The following C4BPA variants were observed in gnomAD, a reference collection of about 807,000 sequenced individuals.
C4BPA encodes complement component 4 binding protein alpha.
C4BPA carries 31 observed loss-of-function variants against 63.7 expected under a neutral mutation model. The ratio of observed to expected loss-of-function variants is 0.49; its 90% CI spans 0.37 to 0.66. C4BPA has a LOEUF of 0.66. Ranked by LOEUF, C4BPA falls within the 30% of genes least tolerant of loss-of-function variation. C4BPA has a pLI of 0.00. For synonymous variants in C4BPA, 259 were observed against 254.7 expected (o/e 1.02, Z -0.16); for missense variants, 572 against 723.3 (o/e 0.79, Z 2.40).
chr1:207,108,565 C>G (rs569101868), intron 1 of C4BPA, among the ~76,000 whole-genome samples: 93 of 152,246 alleles, frequency 6.1e-4, no homozygotes, highest in Non-Finnish European at 8.8e-4. Flanking sequence ...AACTAGTTAG[C>G]AACCAGAGTA....
chr1:207,142,211 T>C (rs1451016823), intron 10 of C4BPA, among the ~76,000 whole-genome samples: 2 of 152,132 alleles, frequency 1.3e-5, no homozygotes, highest in Non-Finnish European at 2.9e-5. Flanking sequence ...AGAATGATGG[T>C]TTCCAGCTTC....
At chr1:207,110,648 G>A (rs768375020) in intron 1 of C4BPA, among the ~76,000 whole-genome samples, 6 of 152,098 alleles carry the variant, frequency 3.9e-5, no homozygotes. Context: ...AAAAGAAAAA[G>A]AAAAAGAAAT....
intron 9 of C4BPA, 112 bp from the exon 10 acceptor site, chr1:207,140,994 C>A (rs551660514): frequency 9.6e-5 from 73 of 756,924 alleles, no homozygotes; most frequent in Non-Finnish European, 1.4e-4. Flanking sequence ...TTACAGGCAG[C>A]GAGGATAGAA....
At chr1:207,108,308 A>G (rs1191814150) in intron 1 of C4BPA, among the ~76,000 whole-genome samples, 2 of 151,502 alleles carry the variant, frequency 1.3e-5, no homozygotes, top group African/African-American at 2.4e-5. Flanking sequence ...ATTATTCCAG[A>G]AAAAAAAATT....
intron 7 of C4BPA, among the ~76,000 whole-genome samples, chr1:207,129,054 A>C (rs2102346455): frequency 6.6e-6 from 1 of 152,314 alleles, no homozygotes; most frequent in Middle Eastern, 3.4e-3. Flanking sequence ...AATTAAGTAA[A>C]TGTATTATGA....
intron 4 of C4BPA, among the ~76,000 whole-genome samples, chr1:207,120,699 G>A (rs1467363609): frequency 6.6e-6 from 1 of 152,178 alleles, no homozygotes; most frequent in African/African-American, 2.4e-5. Flanking sequence ...ATTTACAGTT[G>A]TTTTATGGCG....
intron 9 of C4BPA, among the ~76,000 whole-genome samples, chr1:207,135,321 G>C (rs1685257279): frequency 6.6e-6 from 1 of 152,002 alleles, no homozygotes; most frequent in Non-Finnish European, 1.5e-5. Context: ...CTGGGCTACA[G>C]AGCGAGAATT....
At chr1:207,111,622 A>T (rs79965342) in intron 1 of C4BPA, among the ~76,000 whole-genome samples, 2,517 of 152,316 alleles carry the variant, frequency 0.017, 41 homozygotes, top group Non-Finnish European at 0.028. Flanking sequence ...TCAGTCCCAC[A>T]TTATGTAAGA....
At chr1:207,122,859 C>A (rs1240424508) in intron 4 of C4BPA, among the ~76,000 whole-genome samples, 1 of 152,188 alleles carries the variant, frequency 6.6e-6, no homozygotes, top group Non-Finnish European at 1.5e-5. Flanking sequence ...CAGGAGTAAG[C>A]CACCACACCT....
In C4BPA at chr1:207,134,583, T is replaced by G. The variant is rs1337772091; in HGVS notation, c.1264T>G (p.Cys422Gly). The change falls in exon 9 of 12, where the codon TGT (cysteine) becomes GGT (glycine). Residue 422 changes from cysteine to glycine, a missense_variant. By Grantham distance (159) the Cys-to-Gly change is radical. Coordinates refer to ENST00000367070, the MANE Select transcript of C4BPA (RefSeq NM_000715.4). Reference sequence around the variant, plus strand: ...CACGTGGAGTCCCCGAACACCATCATGTGGAGACAGTAAGAGTTCATAGAA... The same window carrying G: ...CACGTGGAGTCCCCGAACACCATCAGGTGGAGACAGTAAGAGTTCATAGAA... ...DGTWSPRTPS[C>G]GDICNFPPKI... 2 of 1,610,460 alleles carry G rather than the reference T, an allele frequency of 1.2e-6. No individual in the cohort carries two copies. Among genetic ancestry groups the G allele is most frequent in the East Asian group, 4.5e-5 (2 of 44,846 alleles).
intron 4 of C4BPA, among the ~76,000 whole-genome samples, chr1:207,121,669 T>G (rs1445076965): frequency 6.6e-6 from 1 of 152,092 alleles, no homozygotes; most frequent in African/African-American, 2.4e-5. Flanking sequence ...GTATATTTAT[T>G]TTCTATTAAA....
intron 4 of C4BPA, among the ~76,000 whole-genome samples, chr1:207,120,079 A>G (rs1684890223): frequency 6.6e-6 from 1 of 152,132 alleles, no homozygotes; most frequent in Admixed American, 6.5e-5. Flanking sequence ...AGACATACTC[A>G]TCTTTACCAT....
intron 8 of C4BPA, among the ~76,000 whole-genome samples, chr1:207,133,100 AGAAGT>A (rs1242080247): frequency 6.6e-6 from 1 of 152,226 alleles, no homozygotes; most frequent in Admixed American, 6.5e-5. Context: ...TTTTAAAAGC[AGAAGT>A]GAAGTAGTAT....
At chr1:207,110,165 A>G (rs1684636255) in intron 1 of C4BPA, among the ~76,000 whole-genome samples, 1 of 152,196 alleles carries the variant, frequency 6.6e-6, no homozygotes, top group South Asian at 2.1e-4. Flanking sequence ...TCCGAATCAG[A>G]GTTATAAATA....
At chr1:207,127,367 T>G (rs542163851) in intron 7 of C4BPA, 1 of 152,366 alleles carries the variant, frequency 6.6e-6, no homozygotes, top group South Asian at 2.1e-4. Flanking sequence ...TCGTGGATTA[T>G]TAAAAATAAT....
intron 6 of C4BPA, among the ~76,000 whole-genome samples, chr1:207,125,677 T>G (rs755266602): frequency 6.6e-6 from 1 of 152,126 alleles, no homozygotes; most frequent in Non-Finnish European, 1.5e-5. Context: ...CAAGCAGACA[T>G]TGAATCTGAT....
chr1:207,143,753 C>G (rs984500005), intron 10 of C4BPA, 65 bp from the exon 11 acceptor site: 2 of 1,113,864 alleles, frequency 1.8e-6, no homozygotes, highest in Non-Finnish European at 2.7e-6. Flanking sequence ...TCTTATTATC[C>G]GAGACTGTTA....
Position 207,124,007 on chromosome 1 carries a change from A to T in C4BPA, c.514A>T (p.Ile172Phe). 1 of 1,602,446 alleles carries T rather than the reference A, an allele frequency of 6.2e-7. No individual in the cohort carries two copies. The highest frequency in any genetic ancestry group is 8.5e-7 in the Non-Finnish European group (1 of 1,170,402). ...GWSHPLPQCE[I>F]VKCKPPPDIR... is the part of the protein sequence containing the mutation. ...GAGTCATCCTCTCCCACAATGTGAA[A>T]GTAAGTAAAGACTCTTCTGACTTGA... Residue 172 changes from isoleucine (I) to phenylalanine (F), a missense_variant and splice_region_variant, in exon 5 of 12, where the codon ATT (isoleucine) becomes TTT (phenylalanine). By Grantham distance (21) the Ile-to-Phe change is conservative. This residue lies in a region of C4BPA where 465 missense variants were observed against 629.4 expected (regional missense o/e 0.74). Transcript: ENST00000367070.
intron 1 of C4BPA, 124 bp from the exon 2 acceptor site, chr1:207,112,877 T>C: frequency 1.1e-6 from 1 of 870,006 alleles, no homozygotes; most frequent in Non-Finnish European, 1.7e-6. Flanking sequence ...TCAGGGGTTT[T>C]TTTGTTTTGT....
Sources: allele counts gnomAD v4.1 joint callset (sites outside exome capture counted in the v4.1 genomes callset), GRCh38; gene constraint gnomAD v4.1.1; regional missense constraint gnomAD v4.1.1; transcripts MANE v1.5; gene names NCBI Gene and HGNC (gene_info 2026-07-23, HGNC 2026-07-21).